Variants in MSRA observed in about 807,000 individuals in gnomAD.
MSRA encodes the protein methionine sulfoxide reductase A, also known as mitochondrial peptide methionine sulfoxide reductase.
Under a neutral mutation model 31.3 loss-of-function variants are expected in MSRA, and 54 were observed. The observed-to-expected ratio is 1.73, with a 90% confidence interval of 1.39 to 2.17. The LOEUF (loss-of-function observed/expected upper bound fraction) is 2.17, where lower values mean the gene tolerates loss of function less well. MSRA is among the 30% of genes most tolerant of loss of function. The pLI is 0.00. For synonymous variants in MSRA, 169 were observed against 116.5 expected, an observed-to-expected ratio of 1.45 and a Z score of -2.90; for missense variants, 507 against 300.9, an observed-to-expected ratio of 1.69 and a Z score of -5.07.
intron 2 of MSRA, among the ~76,000 whole-genome samples, chr8:10,211,491 C>T (rs1200514295): frequency 6.6e-6 from 1 of 152,152 alleles, no homozygotes; most frequent in African/African-American, 2.4e-5. Context: ...TGCTGTCTTT[C>T]AAGTCAGTGG....
At chr8:10,351,519 T>A (rs1804147934) in intron 5 of MSRA, among the ~76,000 whole-genome samples, 1 of 152,218 alleles carries the variant, frequency 6.6e-6, no homozygotes, top group Admixed American at 6.5e-5. Context: ...CCCAAAGTGC[T>A]GGGATTATAG....
chr8:10,296,190 A>G (rs915056921), intron 3 of MSRA, among the ~76,000 whole-genome samples: 29 of 152,326 alleles, frequency 1.9e-4, no homozygotes, highest in African/African-American at 6.5e-4. Flanking sequence ...TGAGACTTCT[A>G]GAATGAATGA....
intron 5 of MSRA, among the ~76,000 whole-genome samples, chr8:10,334,232 A>G (rs867342603): frequency 1.3e-5 from 2 of 152,086 alleles, no homozygotes; most frequent in South Asian, 4.2e-4. Context: ...ATATATACAC[A>G]CACATTTATA....
At chr8:10,338,236 A>T (rs2129148390) in intron 5 of MSRA, among the ~76,000 whole-genome samples, 2 of 152,322 alleles carry the variant, frequency 1.3e-5, no homozygotes, top group Admixed American at 1.3e-4. Flanking sequence ...ATGTTGAGTG[A>T]AATAAGGCAG....
chr8:10,106,336 C>G (rs541871596), intron 1 of MSRA, among the ~76,000 whole-genome samples: 1 of 152,058 alleles, frequency 6.6e-6, no homozygotes, highest in South Asian at 2.1e-4. Context: ...GTGAAATGTC[C>G]TCTCATTGGC....
At chr8:10,356,193 G>A (rs1038975141) in intron 5 of MSRA, among the ~76,000 whole-genome samples, 3 of 152,222 alleles carry the variant, frequency 2.0e-5, no homozygotes, top group Non-Finnish European at 2.9e-5. Context: ...TCTAGATCAA[G>A]CTTAGAACAT....
intron 3 of MSRA, among the ~76,000 whole-genome samples, chr8:10,274,669 C>T (rs1017428905): frequency 6.6e-6 from 1 of 152,162 alleles, no homozygotes; most frequent in Non-Finnish European, 1.5e-5. Context: ...GATTATCCAT[C>T]TCTCTACCCA....
At chr8:10,206,320 C>A (rs1808971989) in intron 1 of MSRA, among the ~76,000 whole-genome samples, 1 of 152,174 alleles carries the variant, frequency 6.6e-6, no homozygotes, top group South Asian at 2.1e-4. Flanking sequence ...GCTAATTGTG[C>A]CAGTTAGTGG....
In MSRA at chr8:10,182,608, G is replaced by T. The variant is rs554944316; in HGVS notation, c.143-25225G>T. On this transcript the variant is annotated intron_variant, in intron 1 of 5. Coordinates refer to ENST00000317173, the MANE Select transcript of MSRA (RefSeq NM_012331.5). ...TTGTGGGCACATAGTAGGTATTTAT[G>T]GGTTACATGAGATGTTATGATACAA... Among the ~76,000 whole-genome samples the T allele has an allele frequency of 1.8e-4, 27 of 152,174 alleles. 1 individual carries two copies. In the South Asian group the frequency reaches 5.0e-3, roughly 28 times the overall value.
At chr8:10,259,977 C>G (rs916366948) in intron 3 of MSRA, among the ~76,000 whole-genome samples, 1 of 152,256 alleles carries the variant, frequency 6.6e-6, no homozygotes, top group Non-Finnish European at 1.5e-5. Flanking sequence ...GACCTCAACA[C>G]AGACGCTCCA....
intron 1 of MSRA, among the ~76,000 whole-genome samples, chr8:10,070,587 A>AG (rs1226889120): frequency 1.3e-5 from 2 of 152,218 alleles, no homozygotes; most frequent in Admixed American, 6.5e-5. Flanking sequence ...TGACAGAGTC[A>AG]ATATACAGAA....
At chr8:10,280,914 G>A (rs1449722434) in intron 3 of MSRA, among the ~76,000 whole-genome samples, 1 of 152,218 alleles carries the variant, frequency 6.6e-6, no homozygotes, top group Non-Finnish European at 1.5e-5. Context: ...AAACCATAGA[G>A]TGTATGATTC....
chr8:10,174,633 C>G (rs1398297545), intron 1 of MSRA, among the ~76,000 whole-genome samples: 1 of 152,108 alleles, frequency 6.6e-6, no homozygotes, highest in Non-Finnish European at 1.5e-5. Flanking sequence ...GTTTTCACCC[C>G]TCTGGAGCAG....
intron 4 of MSRA, among the ~76,000 whole-genome samples, chr8:10,304,756 A>G (rs1801035433): frequency 2.0e-5 from 3 of 152,212 alleles, no homozygotes; most frequent in South Asian, 2.1e-4. Flanking sequence ...GAAAGCCGCC[A>G]CTAGAGAAGA....
chr8:10,339,261 T>A (rs2129149073), intron 5 of MSRA, among the ~76,000 whole-genome samples: 1 of 152,340 alleles, frequency 6.6e-6, no homozygotes, highest in Middle Eastern at 3.4e-3. Flanking sequence ...CATCTCTTTA[T>A]CTGAGCATGG....
chr8:10,183,723 T>C (rs775677855), intron 1 of MSRA, among the ~76,000 whole-genome samples: 4 of 152,086 alleles, frequency 2.6e-5, no homozygotes, highest in Non-Finnish European at 5.9e-5. Flanking sequence ...CATAGTGTTT[T>C]TCTCTGCGAG....
In MSRA at chr8:10,423,584, G is replaced by C. The variant is rs542813968; in HGVS notation, c.544-4564G>C. Among the ~76,000 whole-genome samples, 5 of 152,242 alleles carry C rather than the reference G, an allele frequency of 3.3e-5. No homozygotes were observed. In the East Asian group the frequency reaches 9.7e-4, roughly 30 times the overall value. ...CAGTCTTCGTCCCCTATCTCCCCCT[G>C]CTCCTGCACCACCCCACTCTCCCTG... On this transcript the variant is annotated intron_variant, in intron 5 of 5. Transcript: ENST00000317173.
At chr8:10,302,066 T>A (rs1001707502) in intron 4 of MSRA, among the ~76,000 whole-genome samples, 10 of 152,192 alleles carry the variant, frequency 6.6e-5, no homozygotes, top group African/African-American at 1.4e-4. Context: ...TGGATTTTTT[T>A]AAAAAAATGT....
chr8:10,277,964 G>A (rs2975652), intron 3 of MSRA, among the ~76,000 whole-genome samples: 4 of 152,176 alleles, frequency 2.6e-5, no homozygotes, highest in African/African-American at 9.7e-5. Context: ...TGTAAGAGTA[G>A]TACCTGTTAT....
Sources: allele counts gnomAD v4.1 joint callset (sites outside exome capture counted in the v4.1 genomes callset), GRCh38; gene constraint gnomAD v4.1.1; transcripts MANE v1.5; gene names NCBI Gene and HGNC (gene_info 2026-07-23, HGNC 2026-07-21).